SLC6A5: variants seen among roughly 807,000 people sequenced by gnomAD.
The protein encoded by SLC6A5 is sodium- and chloride-dependent glycine transporter 2.
Under a neutral mutation model 90.5 loss-of-function variants are expected in SLC6A5, and 58 were observed. The observed-to-expected ratio is 0.64, with a 90% confidence interval of 0.52 to 0.80. The LOEUF is 0.80. Ranked by LOEUF, SLC6A5 falls within the 30% of genes least tolerant of loss-of-function variation. The pLI, the probability that SLC6A5 is intolerant of heterozygous loss-of-function variation, is 0.00. For missense variants in SLC6A5, 1,015 were observed against 1,017.6 expected (o/e 1.00, Z 0.03); for synonymous variants, 427 against 401.4 (o/e 1.06, Z -0.76).
intron 7 of SLC6A5, 63 bp from the exon 8 acceptor site, chr11:20,626,645 C>A (rs1853000316): frequency 2.5e-6 from 4 of 1,582,686 alleles, no homozygotes; most frequent in Admixed American, 3.3e-5. Context: ...AGCAATGCTC[C>A]TTCTGCACAG....
Position 20,601,224 on chromosome 11 carries a change from G to T in SLC6A5, c.99G>T (p.Arg33Ser). 1 of 1,582,482 alleles carries T rather than the reference G, an allele frequency of 6.3e-7. No individual in the cohort carries two copies. The highest frequency in any genetic ancestry group is 1.7e-5 in the Admixed American group (1 of 57,726). ...ACCCGGATGGCCCATGCGCTCCCAG[G>T]ACGAGCCCGGAGCAGGAGCTTCCCG... ...QGHPDGPCAP[R>S]TSPEQELPAA... Residue 33 changes from arginine (R) to serine (S), a missense_variant, in exon 2 of 16, where the codon AGG becomes AGT. By Grantham distance (110) the Arg-to-Ser change is moderately radical (BLOSUM62 -1). Coordinates refer to ENST00000525748, the MANE Select transcript of SLC6A5 (RefSeq NM_004211.5).
Position 20,646,945 on chromosome 11 carries a change from T to G in SLC6A5, c.2070+11T>G. The G allele has an allele frequency of 6.3e-7, 1 of 1,582,056 alleles. No individual in the cohort carries two copies. The highest frequency in any genetic ancestry group is 8.7e-7 in the Non-Finnish European group (1 of 1,150,830). On this transcript the variant is annotated intron_variant, in intron 14 of 15. Coordinates refer to ENST00000525748, the MANE Select transcript of SLC6A5 (RefSeq NM_004211.5). The stretch of plus-strand genomic sequence containing the variant: ...CCAACCATTTTAACCGTAAGGATTT[T>G]GCATGTTTTCTTGTGCAGACAGCAC...
intron 15 of SLC6A5, 32 bp downstream of exon 15, chr11:20,652,488 C>G (rs1565291567): frequency 6.3e-7 from 1 of 1,593,746 alleles, no homozygotes; most frequent in Admixed American, 1.7e-5. Flanking sequence ...CCTCCCAATT[C>G]CTCCCAAGGG....
Position 20,655,223 on chromosome 11 carries a change from C to T in SLC6A5, c.*355C>T, listed in dbSNP as rs958196580. On this transcript the variant is annotated 3_prime_UTR_variant, in exon 16 of 16. Coordinates refer to ENST00000525748, the MANE Select transcript of SLC6A5 (RefSeq NM_004211.5). Reference sequence around the variant, plus strand: ...CACTGTGTGATGGCATGGGGGGTGCCAGTAAGGCATGTATAGAGTGGCCGA... The same window carrying T: ...CACTGTGTGATGGCATGGGGGGTGCTAGTAAGGCATGTATAGAGTGGCCGA... 3.9e-5 allele frequency: 14 copies of T among 361,250 alleles called. No homozygotes were observed. The highest frequency in any genetic ancestry group is 6.5e-5 in the Non-Finnish European group (12 of 185,382). 22.4% of individuals were successfully genotyped at this position (361,250 alleles called of 1,614,324 possible).
At chr11:20,651,015 G>C (rs1853520744) in intron 14 of SLC6A5, among the ~76,000 whole-genome samples, 2 of 151,944 alleles carry the variant, frequency 1.3e-5, no homozygotes, top group Non-Finnish European at 2.9e-5. Context: ...CATCCCTTCT[G>C]TTTGTCCCAT....
intron 14 of SLC6A5, among the ~76,000 whole-genome samples, chr11:20,651,210 C>T (rs1853524501): frequency 9.7e-6 from 1 of 102,814 alleles, no homozygotes; most frequent in African/African-American, 3.7e-5. Context: ...CCCTCCCCTT[C>T]CCTTCCCTCC....
At chr11:20,600,718 G>T (rs1852454216) in intron 1 of SLC6A5, among the ~76,000 whole-genome samples, 1 of 152,194 alleles carries the variant, frequency 6.6e-6, no homozygotes, top group Non-Finnish European at 1.5e-5. Flanking sequence ...AGTGTGCATT[G>T]TTGAATGACA....
chr11:20,645,297 G>C (rs750749803), intron 13 of SLC6A5, among the ~76,000 whole-genome samples: 1 of 152,144 alleles, frequency 6.6e-6, no homozygotes, highest in Non-Finnish European at 1.5e-5. Context: ...GGGGACTGAG[G>C]TGGGGGTGGT....
intron 7 of SLC6A5, among the ~76,000 whole-genome samples, chr11:20,618,530 C>T (rs1852826614): frequency 6.6e-6 from 1 of 152,182 alleles, no homozygotes; most frequent in South Asian, 2.1e-4. Flanking sequence ...GAAACTCCCA[C>T]CCAAGCTCAG....
intron 3 of SLC6A5, among the ~76,000 whole-genome samples, chr11:20,605,827 T>C (rs1038681935): frequency 6.6e-6 from 1 of 152,194 alleles, no homozygotes; most frequent in African/African-American, 2.4e-5. Flanking sequence ...CGCCGCTCCT[T>C]TTCAGGAGCA....
chr11:20,649,009 G>A (rs929966682), intron 14 of SLC6A5, among the ~76,000 whole-genome samples: 1 of 152,120 alleles, frequency 6.6e-6, no homozygotes, highest in African/African-American at 2.4e-5. Context: ...ATCCAGGACT[G>A]TCTAAGCTTC....
In SLC6A5 at chr11:20,601,346, G is replaced by C; in HGVS notation, c.221G>C (p.Arg74Pro). The C allele has an allele frequency of 6.3e-7, 1 of 1,599,050 alleles. No homozygotes were observed. Among genetic ancestry groups the C allele is most frequent in the African/African-American group, 1.3e-5 (1 of 74,868 alleles). The stretch of plus-strand genomic sequence containing the variant: ...GACGCGCGAGCCTGCGAGGCTGAGC[G>C]GCCAGGAGTGGGGTCTTGCAAACTC... ...SADARACEAE[R>P]PGVGSCKLSS... The change falls in exon 2 of 16, where the codon CGG becomes CCG. Residue 74 changes from arginine to proline, a missense_variant. By Grantham distance (103) the Arg-to-Pro change is moderately radical (BLOSUM62 -2). Coordinates refer to ENST00000525748, the MANE Select transcript of SLC6A5 (RefSeq NM_004211.5).
chr11:20,633,738 C>A (rs1224027425), intron 10 of SLC6A5, among the ~76,000 whole-genome samples: 2 of 152,204 alleles, frequency 1.3e-5, no homozygotes, highest in Non-Finnish European at 2.9e-5. Flanking sequence ...TGTGTTGATG[C>A]ATTTAATTCT....
intron 6 of SLC6A5, among the ~76,000 whole-genome samples, chr11:20,615,646 C>T (rs1222676629): frequency 3.3e-5 from 5 of 152,122 alleles, no homozygotes; most frequent in East Asian, 1.9e-4. Context: ...GGATTACAGG[C>T]GTGAGCCACT....
chr11:20,604,154 T>G (rs1404553510), intron 2 of SLC6A5, 132 bp from the exon 3 acceptor site: 3 of 1,146,112 alleles, frequency 2.6e-6, no homozygotes, highest in Non-Finnish European at 3.7e-6. Flanking sequence ...GGGTCCTGCT[T>G]GCTGATGCAT....
chr11:20,617,863 AG>A lies in SLC6A5; in HGVS notation c.1241del (p.Gly414GlufsTer21), dbSNP rs776064981. 6.2e-7 allele frequency: 1 copy of A among 1,613,980 alleles called. No homozygotes were observed. The highest frequency in any genetic ancestry group is 8.5e-7 in the Non-Finnish European group (1 of 1,179,908). On this transcript the variant is annotated frameshift_variant, in exon 7 of 16. Transcript: ENST00000525748. LOFTEE classifies it high-confidence loss of function. ...WVIVYASLAKGIKTSGKVVYF... is the reference protein window; with the variant it reads ...WVIVYASLAKXIKTSGKVVYF... ...TCATTGTGTATGCATCATTGGCTAA[AG>A]GAATCAAGACTTCAGGAAAAGTAAG...
chr11:20,655,105 G>T lies in SLC6A5; in HGVS notation c.*237G>T. 1 of 541,288 alleles carries T rather than the reference G, an allele frequency of 1.8e-6. No homozygotes were observed. The allele number at this position is 541,288 out of a possible 1,614,324, so 33.5% of individuals were successfully genotyped here. On this transcript the variant is annotated 3_prime_UTR_variant, in exon 16 of 16. Coordinates refer to ENST00000525748, the MANE Select transcript of SLC6A5 (RefSeq NM_004211.5). ...GCCCATGGTGACTGTTTCTGGTCAGGTTGGTCCCCTGACCACACGTTTTAC... is the reference window on the plus strand; with the variant it reads ...GCCCATGGTGACTGTTTCTGGTCAGTTTGGTCCCCTGACCACACGTTTTAC...
rs184875239 is a variant in SLC6A5, at chr11:20,658,755, C to T, written c.*3887C>T. The T allele has an allele frequency of 4.7e-4, 71 of 152,242 alleles. No individual in the cohort carries two copies. Among genetic ancestry groups the T allele is most frequent in the African/African-American group, 1.4e-3 (57 of 41,538 alleles). 9.4% of individuals were successfully genotyped at this position (152,242 alleles called of 1,614,324 possible). A position where few individuals can be genotyped will look rare whatever the true frequency, so the allele number is the denominator to read the frequency against. On this transcript the variant is annotated 3_prime_UTR_variant, in exon 16 of 16. Coordinates refer to ENST00000525748, the MANE Select transcript of SLC6A5 (RefSeq NM_004211.5). ...AAGCAGTGGTTTGACTTGCCTGCCA[C>T]GGATTAAATACATCTTCAGGTAACC...
In SLC6A5 at chr11:20,646,180, G is replaced by C. The variant is rs967274783; in HGVS notation, c.1970-654G>C. Among the ~76,000 whole-genome samples the C allele has an allele frequency of 6.6e-5, 10 of 152,310 alleles. No homozygotes were observed. In the Middle Eastern group the frequency reaches 0.01, roughly 155 times the overall value. On this transcript the variant is annotated intron_variant, in intron 13 of 15. Coordinates refer to ENST00000525748, the MANE Select transcript of SLC6A5 (RefSeq NM_004211.5). ...TAAACCAAGAGGGTGCAGGGATGGCGGTTGTCTAGGGCCATGAGAGTAACC... is the reference window on the plus strand; with the variant it reads ...TAAACCAAGAGGGTGCAGGGATGGCCGTTGTCTAGGGCCATGAGAGTAACC...
Sources: allele counts gnomAD v4.1 joint callset (sites outside exome capture counted in the v4.1 genomes callset), GRCh38; gene constraint gnomAD v4.1.1; transcripts MANE v1.5; gene names NCBI Gene and HGNC (gene_info 2026-07-23, HGNC 2026-07-21).